The following FILIP1 variants were observed in gnomAD, a reference collection of about 807,000 sequenced individuals.
FILIP1 encodes the protein filamin-A-interacting protein 1.
A neutral mutation model predicts 102.1 loss-of-function variants in FILIP1; 61 were observed. That is an observed-to-expected ratio of 0.60 (90% CI 0.49 to 0.74). FILIP1 has a LOEUF of 0.74. Among genes scored for constraint, FILIP1 ranks in the 30% least tolerant of loss-of-function variants. FILIP1 has a pLI of 0.00. For synonymous variants in FILIP1, 491 were observed against 526.9 expected (o/e 0.93, Z 0.93); for missense variants, 1,314 against 1,441.2 (o/e 0.91, Z 1.43).
chr6:75,453,762 T>G (rs1011906811), intron 1 of FILIP1, among the ~76,000 whole-genome samples: 5 of 152,000 alleles, frequency 3.3e-5, no homozygotes, highest in African/African-American at 1.2e-4. Context: ...CTGTGAACTA[T>G]GAACAGGCCA....
intron 3 of FILIP1, among the ~76,000 whole-genome samples, chr6:75,354,340 A>G (rs1774913045): frequency 6.6e-6 from 1 of 152,204 alleles, no homozygotes; most frequent in African/African-American, 2.4e-5. Context: ...GGGGAGGCTG[A>G]GGCAGGCAGA....
chr6:75,301,089 T>C (rs994302935), intron 6 of FILIP1, among the ~76,000 whole-genome samples: 1 of 152,182 alleles, frequency 6.6e-6, no homozygotes, highest in African/African-American at 2.4e-5. Flanking sequence ...AGATGGTAAA[T>C]ACCTAGGTTG....
At chr6:75,477,564 T>C (rs988027119) in intron 1 of FILIP1, among the ~76,000 whole-genome samples, 9 of 151,690 alleles carry the variant, frequency 5.9e-5, no homozygotes, top group Admixed American at 5.3e-4. Context: ...AAAATAATAT[T>C]AATAATTTAA....
At chr6:75,475,831 G>A (rs368748742) in intron 1 of FILIP1, among the ~76,000 whole-genome samples, 3 of 152,144 alleles carry the variant, frequency 2.0e-5, no homozygotes, top group Admixed American at 6.6e-5. Context: ...TAGTCATCTC[G>A]TGCACATAAA....
chr6:75,348,408 C>T (rs1774670791), intron 4 of FILIP1, among the ~76,000 whole-genome samples: 1 of 152,068 alleles, frequency 6.6e-6, no homozygotes, highest in Admixed American at 6.6e-5. Flanking sequence ...GCTAATTAAG[C>T]CAAAACATTT....
chr6:75,395,124 G>C (rs559365658), intron 2 of FILIP1, among the ~76,000 whole-genome samples: 1 of 151,892 alleles, frequency 6.6e-6, no homozygotes, highest in South Asian at 2.1e-4. Flanking sequence ...ATCAGAAAAA[G>C]GCTGATTTCA....
chr6:75,433,807 T>C (rs1218712357), intron 1 of FILIP1, among the ~76,000 whole-genome samples: 1 of 152,212 alleles, frequency 6.6e-6, no homozygotes, highest in Non-Finnish European at 1.5e-5. Flanking sequence ...TCTTCTAGGG[T>C]TTTTATGGTT....
intron 1 of FILIP1, among the ~76,000 whole-genome samples, chr6:75,439,713 A>T (rs1165944621): frequency 1.3e-5 from 2 of 152,256 alleles, no homozygotes; most frequent in African/African-American, 2.4e-5. Flanking sequence ...AGCAAGTGTC[A>T]TATTATTTGA....
At position 75,362,852 on chromosome 6, in the gene FILIP1, A is replaced by G. The variant is rs755166895; in HGVS notation, c.342T>C (p.His114=). Residue 114 remains histidine, a synonymous_variant, in exon 3 of 6, where the codon CAT becomes CAC. Coordinates refer to ENST00000237172, the MANE Select transcript of FILIP1 (RefSeq NM_015687.5). ...EKTKPEVLEA[H]YGSAEPEKVL... is the part of the protein sequence containing the mutation. Reference sequence around the variant, plus strand: ...CTTTCTCTGGCTCCGCAGACCCGTAATGAGCCTCCAGAACCTCAGGCTTGG... The same window carrying G: ...CTTTCTCTGGCTCCGCAGACCCGTAGTGAGCCTCCAGAACCTCAGGCTTGG... The G allele has an allele frequency of 3.7e-6, 6 of 1,614,006 alleles. No individual in the cohort carries two copies. The Admixed American group carries it at 8.3e-5, about 22-fold the overall frequency.
intron 2 of FILIP1, among the ~76,000 whole-genome samples, chr6:75,383,707 A>G (rs1775979693): frequency 6.6e-6 from 1 of 152,196 alleles, no homozygotes; most frequent in South Asian, 2.1e-4. Context: ...AGTAATGGAC[A>G]AAGTGCTTTT....
At chr6:75,381,035 T>C (rs1426484323) in intron 2 of FILIP1, among the ~76,000 whole-genome samples, 2 of 152,194 alleles carry the variant, frequency 1.3e-5, no homozygotes. Flanking sequence ...TTTGAAACTT[T>C]AATACCATAG....
chr6:75,391,153 A>G (rs2842457), intron 2 of FILIP1, among the ~76,000 whole-genome samples: 8,611 of 152,036 alleles, frequency 0.057, 681 homozygotes, highest in African/African-American at 0.17. Flanking sequence ...GTCATCTTCT[A>G]ATTGGCCTTC....
intron 6 of FILIP1, among the ~76,000 whole-genome samples, chr6:75,302,898 C>A (rs1772881617): frequency 6.6e-6 from 1 of 151,896 alleles, no homozygotes; most frequent in Non-Finnish European, 1.5e-5. Context: ...TGGAAAACTG[C>A]AAGAATGAAA....
At chr6:75,387,230 G>A (rs1166394455) in intron 2 of FILIP1, among the ~76,000 whole-genome samples, 1 of 152,068 alleles carries the variant, frequency 6.6e-6, no homozygotes. Flanking sequence ...AGTATTCCAT[G>A]GCGTATATGT....
chr6:75,294,087 A>G (rs1442894510), exon 7 of FILIP1: 6 of 152,240 alleles, frequency 3.9e-5, no homozygotes, highest in Non-Finnish European at 5.9e-5. Flanking sequence ...CATATAATTT[A>G]TAATACATGT....
chr6:75,354,803 C>G (rs1321222869), intron 3 of FILIP1, among the ~76,000 whole-genome samples: 1 of 152,130 alleles, frequency 6.6e-6, no homozygotes, highest in African/African-American at 2.4e-5. Context: ...AAATTAAGAT[C>G]TCAGCATGTA....
At chr6:75,467,061 T>G (rs1779190412) in intron 1 of FILIP1, among the ~76,000 whole-genome samples, 1 of 152,226 alleles carries the variant, frequency 6.6e-6, no homozygotes, top group Admixed American at 6.5e-5. Context: ...GAATGCATCT[T>G]CTTTTAGAAT....
intron 4 of FILIP1, among the ~76,000 whole-genome samples, chr6:75,350,678 G>T (rs1774766223): frequency 6.6e-6 from 1 of 151,948 alleles, no homozygotes; most frequent in Admixed American, 6.6e-5. Flanking sequence ...AAAAAACAAA[G>T]AAAAATAAAC....
intron 2 of FILIP1, among the ~76,000 whole-genome samples, chr6:75,403,524 A>AAAGAAAAAG (rs1554208654): frequency 2.2e-5 from 3 of 134,730 alleles, no homozygotes; most frequent in African/African-American, 5.7e-5. Context: ...CAAAAAAAAA[A>AAAGAAAAAG]AAAAAAGAAA....
Sources: gnomAD v4.1 joint callset for allele counts (sites outside exome capture counted in the v4.1 genomes callset) on GRCh38, gnomAD v4.1.1 for gene constraint, MANE v1.5 for transcripts, NCBI Gene and HGNC (gene_info 2026-07-23, HGNC 2026-07-21) for gene names.